FAM178B: variants seen among roughly 807,000 people sequenced by gnomAD.
FAM178B encodes the protein family with sequence similarity 178 member B.
A neutral mutation model predicts 91.7 loss-of-function variants in FAM178B; 82 were observed. The observed-to-expected ratio is 0.89, with a 90% CI of 0.75 to 1.07. FAM178B has a LOEUF of 1.07. Ranked by LOEUF, FAM178B falls within the 50% of genes least tolerant of loss-of-function variation. The pLI is 0.00. For synonymous variants in FAM178B, 368 were observed against 359.4 expected, an observed-to-expected ratio of 1.02 and a Z score of -0.27; for missense variants, 769 against 846.7, an observed-to-expected ratio of 0.91 and a Z score of 1.14.
chr2:96,879,376 A>G (rs1210935564), intron 14 of FAM178B, among the ~76,000 whole-genome samples: 4 of 152,182 alleles, frequency 2.6e-5, no homozygotes, highest in Non-Finnish European at 5.9e-5. Context: ...GCTGGAGCTC[A>G]GAACCAGCCC....
chr2:96,877,698 G>A (rs1239959632), intron 16 of FAM178B, 192 bp downstream of exon 16: 1 of 608,594 alleles, frequency 1.6e-6, no homozygotes, highest in Non-Finnish European at 2.9e-6. Context: ...CCCAGCCTTT[G>A]GCACTGGATT....
chr2:96,884,925 C>T (rs1042359070), intron 14 of FAM178B, among the ~76,000 whole-genome samples: 3 of 152,216 alleles, frequency 2.0e-5, no homozygotes, highest in African/African-American at 7.2e-5. Flanking sequence ...GACATATAAC[C>T]GACCACTAGG....
At chr2:96,886,716 ATGGTCGGCC>A (rs1419698571) in intron 14 of FAM178B, among the ~76,000 whole-genome samples, 1 of 152,218 alleles carries the variant, frequency 6.6e-6, no homozygotes, top group Non-Finnish European at 1.5e-5. Context: ...TGAGAAGGCC[ATGGTCGGCC>A]TGGGAGCTGT....
chr2:96,949,698 T>C (rs181252339), intron 7 of FAM178B, among the ~76,000 whole-genome samples: 63 of 152,326 alleles, frequency 4.1e-4, no homozygotes, highest in African/African-American at 1.5e-3. Context: ...AGTGCACCCC[T>C]TTCATGGATC....
chr2:96,973,172 C>T (rs2082246412), intron 1 of FAM178B, among the ~76,000 whole-genome samples: 1 of 149,976 alleles, frequency 6.7e-6, no homozygotes, highest in Non-Finnish European at 1.5e-5. Flanking sequence ...GGTGCCACTG[C>T]ATGCCAGCCT....
chr2:96,966,207 A>G (rs1008353708), intron 5 of FAM178B, among the ~76,000 whole-genome samples: 11 of 152,050 alleles, frequency 7.2e-5, no homozygotes, highest in African/African-American at 2.7e-4. Context: ...GGTCCCTGGA[A>G]CTGGCTCTCA....
At chr2:96,882,654 A>T (rs6735969) in intron 14 of FAM178B, among the ~76,000 whole-genome samples, 22,869 of 152,114 alleles carry the variant, frequency 0.15, 2,315 homozygotes, top group African/African-American at 0.3. Flanking sequence ...TCCCTTTGGG[A>T]GCACAAGGTG....
chr2:96,882,924 C>T (rs886570349), intron 14 of FAM178B, among the ~76,000 whole-genome samples: 3 of 152,234 alleles, frequency 2.0e-5, no homozygotes, highest in Non-Finnish European at 2.9e-5. Flanking sequence ...AGGGCATGCC[C>T]GGACCCAATA....
chr2:96,913,678 C>A (rs1277294405), intron 12 of FAM178B, among the ~76,000 whole-genome samples: 1 of 152,242 alleles, frequency 6.6e-6, no homozygotes, highest in Non-Finnish European at 1.5e-5. Context: ...CCACACAGAA[C>A]CTGCTTGGCT....
chr2:96,986,172 C>A, intron 1 of FAM178B, 69 bp downstream of exon 1: 1 of 1,530,306 alleles, frequency 6.5e-7, no homozygotes, highest in Non-Finnish European at 8.7e-7. Context: ...CCAGGAGTCC[C>A]AGGGAAGTCG....
In FAM178B at chr2:96,921,474, G is replaced by C; in HGVS notation, c.1464+4C>G. ...ATGAGGACCAGGCTCTGGGCGTCTA[G>C]TACCTTCCCTGGCCACTCCCGGATG... On this transcript the variant is annotated splice_donor_region_variant and intron_variant, in intron 11 of 16. Coordinates refer to ENST00000490605, the MANE Select transcript of FAM178B (RefSeq NM_001122646.3). 6.4e-7 allele frequency: 1 copy of C among 1,551,700 alleles called. No homozygotes were observed. The highest frequency in any genetic ancestry group is 8.7e-7 in the Non-Finnish European group (1 of 1,147,000).
At chr2:96,901,485 C>A (rs909620146) in intron 13 of FAM178B, among the ~76,000 whole-genome samples, 2 of 152,198 alleles carry the variant, frequency 1.3e-5, no homozygotes, top group African/African-American at 4.8e-5. Flanking sequence ...AGAAGGCCGA[C>A]CTCTTAATGC....
chr2:96,950,160 GC>G, intron 7 of FAM178B: 1 of 985,516 alleles, frequency 1.0e-6, no homozygotes, highest in Non-Finnish European at 1.2e-6. Flanking sequence ...GTGACGCAGG[GC>G]CCCTCTGTGG....
At chr2:96,887,479 G>A (rs995650855) in intron 14 of FAM178B, among the ~76,000 whole-genome samples, 4 of 152,196 alleles carry the variant, frequency 2.6e-5, no homozygotes, top group African/African-American at 7.2e-5. Context: ...AACAAGCCAC[G>A]GGTTGAGCCA....
chr2:96,897,886 G>A (rs1017961383), intron 13 of FAM178B: 2 of 891,880 alleles, frequency 2.2e-6, no homozygotes. Context: ...GTAGCCTTGA[G>A]GCTCTGGCTA....
At chr2:96,921,116 C>G in intron 12 of FAM178B, 49 bp downstream of exon 12, 4 of 1,477,416 alleles carry the variant, frequency 2.7e-6, no homozygotes, top group Non-Finnish European at 3.7e-6. Flanking sequence ...TACAAGACCC[C>G]GAAGAGATGC....
At chr2:96,918,164 A>G (rs1172830723) in intron 12 of FAM178B, among the ~76,000 whole-genome samples, 2 of 151,748 alleles carry the variant, frequency 1.3e-5, no homozygotes, top group Non-Finnish European at 2.9e-5. Flanking sequence ...AAAAAAAAAA[A>G]GGACTGAAAA....
chr2:96,981,648 G>T (rs2153376506), intron 1 of FAM178B, among the ~76,000 whole-genome samples: 1 of 150,554 alleles, frequency 6.6e-6, no homozygotes, highest in African/African-American at 2.4e-5. Context: ...GGCTGAGGCA[G>T]GAGAATGGCG....
At chr2:96,904,976 T>G (rs1400101693) in intron 12 of FAM178B, among the ~76,000 whole-genome samples, 7 of 152,006 alleles carry the variant, frequency 4.6e-5, no homozygotes, top group Non-Finnish European at 8.8e-5. Flanking sequence ...TTGGCCAGGC[T>G]GGTCTTGAAC....
Sources: allele counts gnomAD v4.1 joint callset (sites outside exome capture counted in the v4.1 genomes callset), GRCh38; gene constraint gnomAD v4.1.1; transcripts MANE v1.5; gene names NCBI Gene and HGNC (gene_info 2026-07-23, HGNC 2026-07-21).